The following SRRM3 variants were observed in gnomAD, a reference collection of about 807,000 sequenced individuals.
SRRM3 encodes the protein serine/arginine repetitive matrix 3.
SRRM3 carries 27 observed loss-of-function variants against 66.2 expected under a neutral mutation model. That is an observed-to-expected ratio of 0.41 (90% CI 0.30 to 0.56). The LOEUF (loss-of-function observed/expected upper bound fraction) is 0.56. SRRM3 is among the 20% of genes least tolerant of loss of function. The pLI is 0.32. For missense variants in SRRM3, 918 were observed against 991.9 expected (o/e 0.93, Z 1.00); for synonymous variants, 391 against 414.9 (o/e 0.94, Z 0.70).
At chr7:76,260,077 C>A in intron 4 of SRRM3, 40 bp from the exon 5 acceptor site, 1 of 537,638 alleles carries the variant, frequency 1.9e-6, no homozygotes, top group Non-Finnish European at 2.8e-6. Context: ...CGCGGGGCTG[C>A]CCCCCCTCAC....
intron 11 of SRRM3, among the ~76,000 whole-genome samples, chr7:76,272,562 G>C (rs544659908): frequency 6.6e-6 from 1 of 152,118 alleles, no homozygotes; most frequent in Admixed American, 6.6e-5. Flanking sequence ...TGAGTCAGGA[G>C]AATCACTTGA....
Position 76,255,148 on chromosome 7 carries a change from C to CTTTTTTTTTTTT in SRRM3, c.336-4750_336-4739dup, listed in dbSNP as rs57880700. Among the ~76,000 whole-genome samples, 363 of 83,150 alleles carry CTTTTTTTTTTTT rather than the reference C, an allele frequency of 4.4e-3. 13 individuals carry two copies. The highest frequency in any genetic ancestry group is 0.013 in the East Asian group (30 of 2,252). The allele number at this position is 83,150 out of a possible 152,430, so 54.5% of individuals were successfully genotyped here. On this transcript the variant is annotated intron_variant, in intron 3 of 14. Transcript: ENST00000611745. ...CTTTTCTTTCTTTCTTTCTTTCTTT[C>CTTTTTTTTTTTT]TTTTTTTTTTTTTTTTTTTGAGATG...
At chr7:76,224,479 T>G (rs1186672184) in intron 1 of SRRM3, among the ~76,000 whole-genome samples, 7 of 120,824 alleles carry the variant, frequency 5.8e-5, no homozygotes, top group African/African-American at 1.9e-4. Context: ...GTCTCTTTTT[T>G]GCTCCTGCAG....
intron 1 of SRRM3, among the ~76,000 whole-genome samples, chr7:76,215,640 T>C (rs1372044658): frequency 2.0e-5 from 3 of 148,252 alleles, no homozygotes; most frequent in African/African-American, 7.4e-5. Flanking sequence ...TTTTTTTTTT[T>C]TTTTGAGACA....
At position 76,285,115 on chromosome 7, in the gene SRRM3, G is replaced by A. The variant is rs1802626237; in HGVS notation, c.1734-500G>A. Reference sequence around the variant, plus strand: ...GTCTCACTCTGTCACCCAGGCTGGAGTGCAGTGGCGCAATCTCCACTCACT... The same window carrying A: ...GTCTCACTCTGTCACCCAGGCTGGAATGCAGTGGCGCAATCTCCACTCACT... On this transcript the variant is annotated intron_variant, in intron 14 of 14. Transcript: ENST00000611745. This position sits in a 1 kb window ranked among gnomAD's most constrained non-coding sequence, Gnocchi z 4.1. The A allele has an allele frequency of 6.5e-6, 1 of 154,518 alleles. No homozygotes were observed. Among genetic ancestry groups the A allele is most frequent in the South Asian group, 2.0e-4 (1 of 5,060 alleles). The allele number at this position is 154,518 out of a possible 1,614,324, so 9.6% of individuals were successfully genotyped here. A position where few individuals can be genotyped will look rare whatever the true frequency, so the allele number is the denominator to read the frequency against.
chr7:76,233,258 A>G (rs1801055645), intron 1 of SRRM3, among the ~76,000 whole-genome samples: 1 of 152,086 alleles, frequency 6.6e-6, no homozygotes. Context: ...GGCTGCAGTG[A>G]GCTATGACTG....
chr7:76,239,574 A>T (rs1261744713), intron 2 of SRRM3, among the ~76,000 whole-genome samples: 2 of 152,036 alleles, frequency 1.3e-5, no homozygotes, highest in African/African-American at 4.8e-5. Flanking sequence ...GTGGTGGCAC[A>T]TGCCTGTGGT....
intron 11 of SRRM3, among the ~76,000 whole-genome samples, chr7:76,280,085 G>A (rs1554611624): frequency 6.7e-6 from 1 of 149,302 alleles, no homozygotes; most frequent in Non-Finnish European, 1.5e-5. Flanking sequence ...GTAAGTGGAC[G>A]TTAACCAAGA....
rs1237880941 is a variant in SRRM3, at chr7:76,210,356, C to T, written c.-40+8289C>T. Reference sequence around the variant, plus strand: ...TCCTGGGGGAAGTCCTGTCTTCCCTCTCTGTCAGGCCCTATCTGACACATA... The same window carrying T: ...TCCTGGGGGAAGTCCTGTCTTCCCTTTCTGTCAGGCCCTATCTGACACATA... On this transcript the variant is annotated intron_variant, in intron 1 of 14. Coordinates refer to ENST00000611745, the MANE Select transcript of SRRM3 (RefSeq NM_001110199.3). Among the ~76,000 whole-genome samples, 4 of 152,318 alleles carry T rather than the reference C, an allele frequency of 2.6e-5. No homozygotes were observed. In the East Asian group the frequency reaches 5.8e-4, roughly 22 times the overall value.
At chr7:76,248,330 A>G in intron 3 of SRRM3, 41 bp downstream of exon 3, 6 of 1,508,086 alleles carry the variant, frequency 4.0e-6, no homozygotes, top group Non-Finnish European at 3.7e-6. Context: ...GAGGGGGTGC[A>G]GGCTCAGGCA....
chr7:76,262,515 A>AG lies in SRRM3; in HGVS notation c.674+935dup, dbSNP rs1171418774. On this transcript the variant is annotated intron_variant, in intron 8 of 14. Transcript: ENST00000611745. ...GGGTGACACAGCGAGACTCTGTCTC[A>AG]GAAAAAAAAAAAAAAAAAAACAAAG... 1.4e-3 allele frequency among the ~76,000 whole-genome samples: 166 copies of AG among 116,506 alleles called. 7 individuals are homozygous for AG. The South Asian group carries it at 0.038, about 27-fold the overall frequency. 76.4% of individuals were successfully genotyped at this position (116,506 alleles called of 152,430 possible). A position where few individuals can be genotyped will look rare whatever the true frequency, so the allele number is the denominator to read the frequency against.
chr7:76,211,640 C>T lies in SRRM3; in HGVS notation c.-40+9573C>T, dbSNP rs782730740. ...CCTGGGGCCTTTCCTCTCCTCTCTG[C>T]GGCTCAGCCCAATCTGGACACCCAG... On this transcript the variant is annotated intron_variant, in intron 1 of 14. Coordinates refer to ENST00000611745, the MANE Select transcript of SRRM3 (RefSeq NM_001110199.3). 7.2e-5 allele frequency among the ~76,000 whole-genome samples: 11 copies of T among 151,986 alleles called. No homozygotes were observed. In the South Asian group the frequency reaches 1.9e-3, roughly 26 times the overall value.
At position 76,283,221 on chromosome 7, in the gene SRRM3, G is replaced by A. The variant is rs549940664; in HGVS notation, c.1733+120G>A. Reference sequence around the variant, plus strand: ...TCCACTGAACCTGGCACGGGGATGGGGGGGGGTGCTAAGGGACAATGAGTG... The same window carrying A: ...TCCACTGAACCTGGCACGGGGATGGAGGGGGGTGCTAAGGGACAATGAGTG... On this transcript the variant is annotated intron_variant, in intron 14 of 14. Transcript: ENST00000611745. The A allele has an allele frequency of 3.1e-5, 37 of 1,181,194 alleles. No homozygotes were observed. The East Asian group carries it at 5.1e-4, about 16-fold the overall frequency. The allele number at this position is 1,181,194 out of a possible 1,614,324, so 73.2% of individuals were successfully genotyped here.
chr7:76,258,214 G>A (rs758617033), intron 3 of SRRM3, among the ~76,000 whole-genome samples: 1 of 152,198 alleles, frequency 6.6e-6, no homozygotes, highest in Non-Finnish European at 1.5e-5. Context: ...GGGGCCCCTG[G>A]AGGCTGCAGA....
At chr7:76,239,678 G>A (rs1801234320) in intron 2 of SRRM3, among the ~76,000 whole-genome samples, 2 of 152,118 alleles carry the variant, frequency 1.3e-5, no homozygotes, top group Non-Finnish European at 2.9e-5. Flanking sequence ...ACTCCAGACT[G>A]GGTGGCAGAG....
At chr7:76,209,129 A>G (rs1314920366) in intron 1 of SRRM3, among the ~76,000 whole-genome samples, 1 of 152,132 alleles carries the variant, frequency 6.6e-6, no homozygotes, top group Non-Finnish European at 1.5e-5. Flanking sequence ...GGTAAAATCC[A>G]GTGCACTTCT....
chr7:76,242,705 A>G (rs929811205), intron 2 of SRRM3, among the ~76,000 whole-genome samples: 1 of 151,978 alleles, frequency 6.6e-6, no homozygotes, highest in African/African-American at 2.4e-5. Flanking sequence ...GTGATGGGAG[A>G]CAGTGACAGA....
chr7:76,273,304 A>G (rs1802258229), intron 11 of SRRM3: 1 of 151,808 alleles, frequency 6.6e-6, no homozygotes, highest in African/African-American at 2.4e-5. Context: ...CTCTTCCATC[A>G]GCTGCTTCCT....
At chr7:76,252,912 C>G (rs1485164178) in intron 3 of SRRM3, among the ~76,000 whole-genome samples, 1 of 151,984 alleles carries the variant, frequency 6.6e-6, no homozygotes, top group African/African-American at 2.4e-5. Flanking sequence ...GCCTGTAATC[C>G]CAGCACTTTG....
Sources: gnomAD v4.1 joint callset for allele counts (sites outside exome capture counted in the v4.1 genomes callset) on GRCh38, gnomAD v4.1.1 for gene constraint, Gnocchi (gnomAD v3.1) non-coding constraint, MANE v1.5 for transcripts, NCBI Gene and HGNC (gene_info 2026-07-23, HGNC 2026-07-21) for gene names.